Variants in KLHL36 observed in about 807,000 individuals in gnomAD.
KLHL36 encodes kelch like family member 36, also known as kelch-like protein 36.
KLHL36 carries 35 observed loss-of-function variants against 53.3 expected under a neutral mutation model. That is an observed-to-expected ratio of 0.66 (90% CI 0.50 to 0.87). The LOEUF is 0.87. Among genes scored for constraint, KLHL36 ranks in the 40% least tolerant of loss-of-function variants. The pLI is 0.00. For missense variants in KLHL36, 864 were observed against 897.6 expected (o/e 0.96, Z 0.48); for synonymous variants, 472 against 398.9 (o/e 1.18, Z -2.18).
chr16:84,655,970 G>A (rs1907176884), intron 2 of KLHL36, among the ~76,000 whole-genome samples: 1 of 152,146 alleles, frequency 6.6e-6, no homozygotes, highest in South Asian at 2.1e-4. Context: ...ATGGCTCACT[G>A]CAGCCTCAAG....
rs924604384 is a variant in KLHL36 at position 84,648,762 on chromosome 16, C to T, written c.-17+113C>T. 2 of 148,510 alleles carry T rather than the reference C, an allele frequency of 1.3e-5. No homozygotes were observed. The highest frequency in any genetic ancestry group is 4.9e-5 in the African/African-American group (2 of 41,000). The allele number at this position is 148,510 out of a possible 1,614,324, so 9.2% of individuals were successfully genotyped here. A position where few individuals can be genotyped will look rare whatever the true frequency, so the allele number is the denominator to read the frequency against. ...GGTCCCCGGCCACCGCGAGCCGCGA[C>T]CCCCCTGCGCCCCTTGGTGCCGGGG... On this transcript the variant is annotated intron_variant, in intron 1 of 4. Transcript: ENST00000564996. The surrounding 1 kb of genome is among the most constrained non-coding windows in gnomAD (Gnocchi z 4.9).
intron 3 of KLHL36, chr16:84,659,461 T>G: frequency 2.9e-6 from 1 of 340,198 alleles, no homozygotes; most frequent in Non-Finnish European, 5.5e-6. Flanking sequence ...GACCACAGAG[T>G]TCCCATCCAC....
Position 84,661,515 on chromosome 16 carries a change from C to T in KLHL36, c.1296-63C>T, listed in dbSNP as rs1176697102. ...TAAGACGGCAGGCTGTTCCCCGGCT[C>T]GGAGGGGGTAAGCCTGGCACAGCCC... is the stretch of plus-strand genomic sequence containing the variant. On this transcript the variant is annotated intron_variant, in intron 4 of 4. Coordinates refer to ENST00000564996, the MANE Select transcript of KLHL36 (RefSeq NM_024731.4). This position sits in a 1 kb window ranked among gnomAD's most constrained non-coding sequence, Gnocchi z 7.9. 10 of 1,482,600 alleles carry T rather than the reference C, an allele frequency of 6.7e-6. No individual in the cohort carries two copies. In the South Asian group the frequency reaches 7.8e-5, roughly 12 times the overall value. 91.8% of individuals were successfully genotyped at this position (1,482,600 alleles called of 1,614,324 possible).
At chr16:84,653,668 C>T (rs1245031335) in intron 2 of KLHL36, among the ~76,000 whole-genome samples, 1 of 152,054 alleles carries the variant, frequency 6.6e-6, no homozygotes, top group African/African-American at 2.4e-5. Context: ...TGGCAAAACC[C>T]TGTCTCTACT....
At chr16:84,660,229 G>A (rs1352394680) in intron 4 of KLHL36, among the ~76,000 whole-genome samples, 2 of 152,192 alleles carry the variant, frequency 1.3e-5, no homozygotes, top group African/African-American at 4.8e-5. Flanking sequence ...TTGGGCAGGA[G>A]GAGTTCAAAG....
chr16:84,661,551 C>A lies in KLHL36; in HGVS notation c.1296-27C>A. The stretch of plus-strand genomic sequence containing the variant: ...AGCCTGGCACAGCCCTGAGCTCTCC[C>A]TCTGTCTCTGCCCGTCGACCCTGCA... On this transcript the variant is annotated intron_variant, in intron 4 of 4. Transcript: ENST00000564996. The surrounding 1 kb of genome is among the most constrained non-coding windows in gnomAD (Gnocchi z 7.9). 1 of 1,551,706 alleles carries A rather than the reference C, an allele frequency of 6.4e-7. No homozygotes were observed. The highest frequency in any genetic ancestry group is 1.2e-5 in the South Asian group (1 of 82,378).
At chr16:84,652,846 G>T (rs570751910) in intron 2 of KLHL36, among the ~76,000 whole-genome samples, 3 of 152,334 alleles carry the variant, frequency 2.0e-5, no homozygotes, top group African/African-American at 4.8e-5. Flanking sequence ...GTAGTTGGTA[G>T]TGGTAGGTTT....
chr16:84,658,992 G>T (rs1003253259), intron 3 of KLHL36: 1 of 147,674 alleles, frequency 6.8e-6, no homozygotes, highest in African/African-American at 2.5e-5. Flanking sequence ...AAAAAAAGTT[G>T]GCTCTTCTAC....
In KLHL36 at chr16:84,661,325, A is replaced by G. The variant is rs536895557; in HGVS notation, c.1296-253A>G. Among the ~76,000 whole-genome samples, 1 of 152,330 alleles carries G rather than the reference A, an allele frequency of 6.6e-6. No individual in the cohort carries two copies. Among genetic ancestry groups the G allele is most frequent in the East Asian group, 1.9e-4 (1 of 5,188 alleles). ...TTATTCCCATTTCCCAGATGGGGCA[A>G]GGGAGACTCAGAGAGAGTGAAGCTG... On this transcript the variant is annotated intron_variant, in intron 4 of 4. Coordinates refer to ENST00000564996, the MANE Select transcript of KLHL36 (RefSeq NM_024731.4). The surrounding 1 kb of genome is among the most constrained non-coding windows in gnomAD (Gnocchi z 7.9).
Position 84,661,780 on chromosome 16 carries a change from G to A in KLHL36, c.1498G>A (p.Gly500Ser). Residue 500 changes from glycine to serine, a missense_variant, in exon 5 of 5, where the codon GGC becomes AGC. Gly to Ser is a moderately conservative substitution (Grantham distance 56). Coordinates refer to ENST00000564996, the MANE Select transcript of KLHL36 (RefSeq NM_024731.4). This position sits in a 1 kb window ranked among gnomAD's most constrained non-coding sequence, Gnocchi z 7.9. ...GGGTGACAGCATCTACTCCATCGGG[G>A]GCAGCGATGACAACATCGAGTCCAT... ...SLGDSIYSIG[G>S]SDDNIESMER... The A allele has an allele frequency of 6.2e-7, 1 of 1,612,846 alleles. No homozygotes were observed. Among genetic ancestry groups the A allele is most frequent in the Non-Finnish European group, 8.5e-7 (1 of 1,179,332 alleles).
intron 2 of KLHL36, among the ~76,000 whole-genome samples, chr16:84,653,859 A>G (rs1405466449): frequency 6.9e-6 from 1 of 145,746 alleles, no homozygotes; most frequent in Admixed American, 6.9e-5. Flanking sequence ...AAAAAAAAAA[A>G]GGGAACTCGT....
rs776937288 is a variant in KLHL36 at position 84,657,794 on chromosome 16, G to A, written c.987G>A (p.Thr329=). 7 of 1,606,352 alleles carry A rather than the reference G, an allele frequency of 4.4e-6. No individual in the cohort carries two copies. The highest frequency in any genetic ancestry group is 2.2e-5 in the East Asian group (1 of 44,618). ...DAKSEQWVKE[T]PLPARRSHHC... is the part of the protein sequence containing the mutation. ...AGAGCGAGCAGTGGGTCAAAGAGACGCCGCTGCCCGCCCGGCGGAGCCACC... is the reference window on the plus strand; with the variant it reads ...AGAGCGAGCAGTGGGTCAAAGAGACACCGCTGCCCGCCCGGCGGAGCCACC... Residue 329 remains threonine (T), a synonymous_variant, in exon 3 of 5, where the codon ACG becomes ACA. Coordinates refer to ENST00000564996, the MANE Select transcript of KLHL36 (RefSeq NM_024731.4).
intron 1 of KLHL36, among the ~76,000 whole-genome samples, chr16:84,649,524 C>T (rs1423065353): frequency 1.3e-5 from 2 of 151,956 alleles, no homozygotes; most frequent in East Asian, 1.9e-4. Flanking sequence ...AAGTCGAGTC[C>T]GCGGTGGGCA....
chr16:84,649,029 G>A (rs1420996107), intron 1 of KLHL36: 1 of 152,218 alleles, frequency 6.6e-6, no homozygotes, highest in African/African-American at 2.4e-5. Context: ...CCCCGCCGGC[G>A]AGCCGGTGTC....
rs1698456099 is a variant in KLHL36 at position 84,665,304 on chromosome 16, A to C, written c.*3171A>C. The C allele has an allele frequency of 6.6e-6, 1 of 151,472 alleles. No homozygotes were observed. Among genetic ancestry groups the C allele is most frequent in the Non-Finnish European group, 1.5e-5 (1 of 67,954 alleles). The allele number at this position is 151,472 out of a possible 1,614,324, so 9.4% of individuals were successfully genotyped here. A position where few individuals can be genotyped will look rare whatever the true frequency, so the allele number is the denominator to read the frequency against. On this transcript the variant is annotated 3_prime_UTR_variant, in exon 5 of 5. Transcript: ENST00000564996. ...ATGGCAGGCTTCTATTGAGGTTTGG[A>C]CTTCTCTCATTTCTAAAGAATTAGA...
At chr16:84,649,464 G>C (rs533961239) in intron 1 of KLHL36, 1 of 151,936 alleles carries the variant, frequency 6.6e-6, no homozygotes, top group Non-Finnish European at 1.5e-5. Flanking sequence ...CCGAGCGCCA[G>C]GTCTCACTGT....
Position 84,662,767 on chromosome 16 carries a change from G to A in KLHL36, c.*634G>A, listed in dbSNP as rs1361789001. 6.6e-6 allele frequency: 1 copy of A among 152,248 alleles called. No homozygotes were observed. The highest frequency in any genetic ancestry group is 1.5e-5 in the Non-Finnish European group (1 of 68,060). 9.4% of individuals were successfully genotyped at this position (152,248 alleles called of 1,614,324 possible). A position where few individuals can be genotyped will look rare whatever the true frequency, so the allele number is the denominator to read the frequency against. On this transcript the variant is annotated 3_prime_UTR_variant, in exon 5 of 5. Coordinates refer to ENST00000564996, the MANE Select transcript of KLHL36 (RefSeq NM_024731.4). ...CAGGGGCCACGCAGCTCGCTAGACT[G>A]TCAGATGAGACATGATGACTTCCCG...
At position 84,657,418 on chromosome 16, in the gene KLHL36, G is replaced by A. The variant is rs992785427; in HGVS notation, c.611G>A (p.Arg204Gln). The stretch of plus-strand genomic sequence containing the variant: ...TACCTGAGCAGCAGCGAGGTGCAGC[G>A]GGAGTGTGAGCACGACCTCCTGCAG... ...CVYLSSSEVQ[R>Q]ECEHDLLQAA... Residue 204 changes from arginine (R) to glutamine (Q), a missense_variant, in exon 3 of 5, where the codon CGG becomes CAG. Arg to Gln is a conservative substitution (Grantham distance 43, BLOSUM62 1). Transcript: ENST00000564996. 9.3e-6 allele frequency: 15 copies of A among 1,606,358 alleles called. No homozygotes were observed. The East Asian group carries it at 1.8e-4, about 19-fold the overall frequency.
At position 84,650,863 on chromosome 16, in the gene KLHL36, C is replaced by T. The variant is rs758178444; in HGVS notation, c.-5C>T. 11 of 1,611,408 alleles carry T rather than the reference C, an allele frequency of 6.8e-6. No homozygotes were observed. Among genetic ancestry groups the T allele is most frequent in the South Asian group, 5.5e-5 (5 of 90,652 alleles). The stretch of plus-strand genomic sequence containing the variant: ...TGTTCTTCTCCTAGGGCTGAAATCT[C>T]TTTAATGATGGAGGGAAGCAGGCAG... On this transcript the variant is annotated 5_prime_UTR_variant, in exon 2 of 5. Coordinates refer to ENST00000564996, the MANE Select transcript of KLHL36 (RefSeq NM_024731.4).
Sources: allele counts gnomAD v4.1 joint callset (sites outside exome capture counted in the v4.1 genomes callset), GRCh38; gene constraint gnomAD v4.1.1; non-coding constraint Gnocchi (gnomAD v3.1); transcripts MANE v1.5; gene names NCBI Gene and HGNC (gene_info 2026-07-23, HGNC 2026-07-21).